Variants in RAPGEF5 observed in about 807,000 individuals in gnomAD.
RAPGEF5 encodes Rap guanine nucleotide exchange factor 5.
RAPGEF5 carries 65 observed loss-of-function variants against 125.2 expected under a neutral mutation model. The observed-to-expected ratio is 0.52, with a 90% confidence interval of 0.43 to 0.64. The LOEUF (loss-of-function observed/expected upper bound fraction) is 0.64. RAPGEF5 is among the 30% of genes least tolerant of loss of function. The probability of loss-of-function intolerance (pLI) is 0.00; values close to 1 mark genes in which losing one functional copy is unlikely to be tolerated. For missense variants in RAPGEF5, 958 were observed against 1,048.1 expected, an observed-to-expected ratio of 0.91 and a Z score of 1.19; for synonymous variants, 391 against 385.9, an observed-to-expected ratio of 1.01 and a Z score of -0.16.
chr7:22,254,823 T>C (rs1786715407), intron 7 of RAPGEF5, among the ~76,000 whole-genome samples: 1 of 152,038 alleles, frequency 6.6e-6, no homozygotes, highest in African/African-American at 2.4e-5. Flanking sequence ...ATCCCTTGCA[T>C]GTGCAGTTCA....
chr7:22,214,420 G>C (rs1211026605), intron 9 of RAPGEF5, among the ~76,000 whole-genome samples: 1 of 152,156 alleles, frequency 6.6e-6, no homozygotes, highest in African/African-American at 2.4e-5. Flanking sequence ...TCTACAGTTG[G>C]AAGTCAGGAA....
intron 5 of RAPGEF5, among the ~76,000 whole-genome samples, chr7:22,302,282 C>G (rs1783225723): frequency 6.6e-6 from 1 of 152,148 alleles, no homozygotes; most frequent in Non-Finnish European, 1.5e-5. Flanking sequence ...ATTAGCCAGT[C>G]AGGACAGAGA....
rs558200256 is a variant in RAPGEF5, at chr7:22,185,560, C to G, written c.1204+7807G>C. On this transcript the variant is annotated intron_variant, in intron 11 of 25. Coordinates refer to ENST00000665637, the MANE Select transcript of RAPGEF5 (RefSeq NM_012294.5). ...ATTAGGAGAGAAGCTCAAGGAACTA[C>G]CAAAATCCAAACCAAACCAAAACAA... is the stretch of plus-strand genomic sequence containing the variant. Among the ~76,000 whole-genome samples, 7 of 152,286 alleles carry G rather than the reference C, an allele frequency of 4.6e-5. 1 individual carries two copies. In the South Asian group the frequency reaches 1.4e-3, roughly 32 times the overall value.
chr7:22,283,938 GTAT>G (rs1187001442), intron 6 of RAPGEF5, among the ~76,000 whole-genome samples: 1 of 152,070 alleles, frequency 6.6e-6, no homozygotes, highest in East Asian at 1.9e-4. Flanking sequence ...AATCCAGTAT[GTAT>G]CATCCTGCTT....
Position 22,322,900 on chromosome 7 carries a change from G to A in RAPGEF5, c.232-4863C>T, listed in dbSNP as rs190703207. On this transcript the variant is annotated intron_variant, in intron 1 of 25. Transcript: ENST00000665637. ...CTGTAAAAATAAGTGATTGAGAATG[G>A]CAAATTGAACCTCTCCTCATCCACT... 5.3e-5 allele frequency among the ~76,000 whole-genome samples: 8 copies of A among 152,312 alleles called. No homozygotes were observed. The East Asian group carries it at 1.5e-3, about 29-fold the overall frequency.
intron 7 of RAPGEF5, among the ~76,000 whole-genome samples, chr7:22,248,614 T>C (rs1262966913): frequency 6.6e-6 from 1 of 152,082 alleles, no homozygotes; most frequent in Non-Finnish European, 1.5e-5. Context: ...TTATTGATAA[T>C]CTCCTATTTC....
chr7:22,273,893 G>A lies in RAPGEF5; in HGVS notation c.748-6881C>T, dbSNP rs183181064. ...CAACATCTGGATTGCATTTGGTTTT[G>A]TTAAGGTCCATGAGGAGTAGATAGT... On this transcript the variant is annotated intron_variant, in intron 6 of 25. Coordinates refer to ENST00000665637, the MANE Select transcript of RAPGEF5 (RefSeq NM_012294.5). Among the ~76,000 whole-genome samples the A allele has an allele frequency of 1.4e-4, 21 of 152,308 alleles. No individual in the cohort carries two copies. The East Asian group carries it at 3.9e-3, about 28-fold the overall frequency.
chr7:22,305,042 T>C (rs1783303895), intron 5 of RAPGEF5, among the ~76,000 whole-genome samples: 2 of 152,146 alleles, frequency 1.3e-5, no homozygotes, highest in South Asian at 4.1e-4. Flanking sequence ...ATGATCCCCA[T>C]AACTTGTGGG....
intron 6 of RAPGEF5, among the ~76,000 whole-genome samples, chr7:22,269,008 C>T (rs1782352514): frequency 2.0e-5 from 3 of 152,102 alleles, no homozygotes; most frequent in Admixed American, 2.0e-4. Context: ...TGAAGAACTT[C>T]ACAGTTCAAC....
intron 17 of RAPGEF5, 63 bp from the exon 18 acceptor site, chr7:22,150,567 C>T: frequency 1.3e-6 from 2 of 1,530,582 alleles, no homozygotes. Flanking sequence ...CAGCAGTAGG[C>T]CTACACAGTA....
chr7:22,187,084 G>C (rs937220285), intron 11 of RAPGEF5, among the ~76,000 whole-genome samples: 2 of 152,158 alleles, frequency 1.3e-5, no homozygotes, highest in Non-Finnish European at 2.9e-5. Flanking sequence ...ACAGCTCTAC[G>C]AGGCTGAAGA....
intron 17 of RAPGEF5, among the ~76,000 whole-genome samples, chr7:22,153,869 C>A (rs1783712469): frequency 6.6e-6 from 1 of 152,184 alleles, no homozygotes; most frequent in Admixed American, 6.5e-5. Flanking sequence ...CCGCATAGAT[C>A]AATAGTGTCA....
At chr7:22,310,149 A>C (rs1245474696) in intron 3 of RAPGEF5, 59 bp from the exon 4 acceptor site, 6 of 1,273,750 alleles carry the variant, frequency 4.7e-6, no homozygotes, top group South Asian at 3.4e-5. Flanking sequence ...TGCCAAAAAA[A>C]CAAAAATGAT....
Position 22,242,640 on chromosome 7 carries a change from C to G in RAPGEF5, c.797-11721G>C, listed in dbSNP as rs181694395. ...CCCCAGGAAGCAGCTACATCTTAAA[C>G]AGACTTTTCATTATGAAAAGAGTTC... is the stretch of plus-strand genomic sequence containing the variant. On this transcript the variant is annotated intron_variant, in intron 7 of 25. Transcript: ENST00000665637. 8.5e-4 allele frequency among the ~76,000 whole-genome samples: 130 copies of G among 152,264 alleles called. 1 individual carries two copies. Among genetic ancestry groups the G allele is most frequent in the African/African-American group, 3.1e-3 (128 of 41,540 alleles).
chr7:22,316,483 ATATATATTTTT>A (rs1433921170), intron 2 of RAPGEF5, among the ~76,000 whole-genome samples: 34 of 30,436 alleles, frequency 1.1e-3, no homozygotes, highest in East Asian at 2.6e-3. Flanking sequence ...ATATATATAT[ATATATATTTTT>A]TTTTTTTTTT....
chr7:22,300,990 T>A (rs1167473873), intron 5 of RAPGEF5, among the ~76,000 whole-genome samples: 1 of 152,226 alleles, frequency 6.6e-6, no homozygotes, highest in African/African-American at 2.4e-5. Flanking sequence ...GAGGCCTGCC[T>A]TTGAGGCAAC....
At chr7:22,133,677 T>A (rs1349621289) in intron 23 of RAPGEF5, among the ~76,000 whole-genome samples, 1 of 152,098 alleles carries the variant, frequency 6.6e-6, no homozygotes, top group East Asian at 1.9e-4. Context: ...GGAACCCCAG[T>A]TTATCCTCAA....
At chr7:22,253,261 C>G (rs1045061894) in intron 7 of RAPGEF5, among the ~76,000 whole-genome samples, 25 of 152,220 alleles carry the variant, frequency 1.6e-4, no homozygotes, top group African/African-American at 5.3e-4. Flanking sequence ...ACACATGACA[C>G]TTCTTTCCTC....
chr7:22,236,784 G>A (rs1786201395), intron 7 of RAPGEF5, among the ~76,000 whole-genome samples: 1 of 152,166 alleles, frequency 6.6e-6, no homozygotes, highest in Non-Finnish European at 1.5e-5. Context: ...TGCCTGCTTA[G>A]AGCACATGAG....
Sources: allele counts gnomAD v4.1 joint callset (sites outside exome capture counted in the v4.1 genomes callset), GRCh38; gene constraint gnomAD v4.1.1; transcripts MANE v1.5; gene names NCBI Gene and HGNC (gene_info 2026-07-23, HGNC 2026-07-21).